The following PLPP1 variants were observed in gnomAD, a reference collection of about 807,000 sequenced individuals.
PLPP1 encodes the protein lipid phosphate phosphohydrolase 1a.
A neutral mutation model predicts 31.2 loss-of-function variants in PLPP1; 24 were observed. That is an observed-to-expected ratio of 0.77 (90% CI 0.56 to 1.08). The LOEUF is 1.08. PLPP1 is among the 50% of genes least tolerant of loss of function. PLPP1 has a pLI of 0.00. For missense variants in PLPP1, 319 were observed against 342.7 expected (o/e 0.93, Z 0.55); for synonymous variants, 146 against 126.3 (o/e 1.16, Z -1.05).
intron 1 of PLPP1, chr5:55,530,747 C>A: frequency 6.4e-7 from 1 of 1,570,922 alleles, no homozygotes; most frequent in South Asian, 1.1e-5. Context: ...GCTCCGCTTT[C>A]CCTCATTGCA....
intron 5 of PLPP1, chr5:55,425,555 A>G (rs538555303): frequency 2.3e-5 from 11 of 478,644 alleles, no homozygotes; most frequent in South Asian, 1.4e-4. Flanking sequence ...CATTTTGCCA[A>G]TACTGAATAA....
intron 3 of PLPP1, among the ~76,000 whole-genome samples, chr5:55,458,915 A>AAAAC (rs1561231077): frequency 3.4e-5 from 5 of 148,952 alleles, no homozygotes; most frequent in East Asian, 1.9e-4. Flanking sequence ...AAAAAAAAAA[A>AAAAC]ACACATAGCA....
At chr5:55,481,933 C>A (rs1022360102) in intron 1 of PLPP1, among the ~76,000 whole-genome samples, 7 of 151,192 alleles carry the variant, frequency 4.6e-5, no homozygotes, top group African/African-American at 1.7e-4. Context: ...TATATTTCTA[C>A]AATTCTAATA....
intron 1 of PLPP1, among the ~76,000 whole-genome samples, chr5:55,479,597 G>A (rs1752629819): frequency 6.6e-6 from 1 of 151,616 alleles, no homozygotes; most frequent in Non-Finnish European, 1.5e-5. Flanking sequence ...AACAAAGCAG[G>A]TCTACAGAGG....
chr5:55,521,347 G>T (rs1449660750), intron 1 of PLPP1, among the ~76,000 whole-genome samples: 1 of 43,692 alleles, frequency 2.3e-5, no homozygotes, highest in African/African-American at 8.2e-5. Context: ...GCAAGACTCT[G>T]TCTCAAAAAA....
intron 1 of PLPP1, among the ~76,000 whole-genome samples, chr5:55,505,471 GTTTA>G (rs1753254207): frequency 6.6e-6 from 1 of 151,312 alleles, no homozygotes; most frequent in African/African-American, 2.4e-5. Flanking sequence ...AATAGCAGAG[GTTTA>G]TTTCTTTAAG....
chr5:55,494,053 G>T (rs113857726), intron 1 of PLPP1, among the ~76,000 whole-genome samples: 1,524 of 151,816 alleles, frequency 0.01, 21 homozygotes, highest in African/African-American at 0.035. Context: ...TCCAAAGAAA[G>T]AAAAAGGATT....
At chr5:55,504,044 G>A (rs1283667099) in intron 1 of PLPP1, among the ~76,000 whole-genome samples, 1 of 151,934 alleles carries the variant, frequency 6.6e-6, no homozygotes, top group African/African-American at 2.4e-5. Context: ...AGAGGTGGGT[G>A]GATTGCCTGA....
intron 1 of PLPP1, among the ~76,000 whole-genome samples, chr5:55,510,739 T>C (rs1018184471): frequency 3.2e-5 from 3 of 93,974 alleles, no homozygotes; most frequent in African/African-American, 8.9e-5. Context: ...CAGAGTTGGG[T>C]AGTCAAGTAT....
intron 1 of PLPP1, among the ~76,000 whole-genome samples, chr5:55,512,479 A>AAAG: frequency 2.4e-5 from 1 of 42,260 alleles, no homozygotes; most frequent in African/African-American, 6.6e-5. Flanking sequence ...AAAAAAAAAA[A>AAAG]AAAAGAAAGA....
At chr5:55,524,571 G>C (rs892572791) in intron 1 of PLPP1, among the ~76,000 whole-genome samples, 1 of 152,172 alleles carries the variant, frequency 6.6e-6, no homozygotes, top group African/African-American at 2.4e-5. Flanking sequence ...AGCACTTTGG[G>C]AGCCAAGACG....
Position 55,452,522 on chromosome 5 carries a change from C to T in PLPP1, c.492-10614G>A, listed in dbSNP as rs368348879. ...CCCAGTCTCAGATATTCCTTTATAG[C>T]AATGCAAAACAGTGTAATACACTAC... On this transcript the variant is annotated intron_variant, in intron 3 of 5. Coordinates refer to ENST00000307259, the MANE Select transcript of PLPP1 (RefSeq NM_003711.4). Among the ~76,000 whole-genome samples the T allele has an allele frequency of 5.9e-5, 9 of 152,280 alleles. No individual in the cohort carries two copies. In the South Asian group the frequency reaches 1.9e-3, roughly 32 times the overall value.
intron 1 of PLPP1, 78 bp from the exon 2 acceptor site, chr5:55,475,528 A>G (rs947750268): frequency 1.5e-6 from 2 of 1,308,106 alleles, no homozygotes; most frequent in Non-Finnish European, 2.1e-6. Context: ...TATCCCACAG[A>G]CTCTGTCTAA....
intron 1 of PLPP1, among the ~76,000 whole-genome samples, chr5:55,480,905 C>T (rs1364441613): frequency 1.3e-5 from 2 of 152,202 alleles, no homozygotes; most frequent in Admixed American, 1.3e-4. Flanking sequence ...TTCCCACATT[C>T]CGCTTTTTGA....
At chr5:55,515,579 A>C (rs904095855) in intron 1 of PLPP1, among the ~76,000 whole-genome samples, 3 of 152,202 alleles carry the variant, frequency 2.0e-5, no homozygotes, top group African/African-American at 7.2e-5. Context: ...ATGGCTTTAC[A>C]TAAGGTTATA....
At chr5:55,439,983 T>G (rs185403601) in intron 4 of PLPP1, among the ~76,000 whole-genome samples, 13 of 152,242 alleles carry the variant, frequency 8.5e-5, no homozygotes, top group African/African-American at 2.6e-4. Context: ...GGATCCTGAT[T>G]ATCAAGAAAC....
chr5:55,472,879 G>A (rs951535826), intron 2 of PLPP1, among the ~76,000 whole-genome samples: 4 of 152,140 alleles, frequency 2.6e-5, no homozygotes, highest in African/African-American at 9.7e-5. Context: ...TGTGTAGGCC[G>A]TGCACATCAA....
chr5:55,441,818 T>C (rs1480906796), intron 4 of PLPP1, 33 bp downstream of exon 4: 1 of 1,596,552 alleles, frequency 6.3e-7, no homozygotes, highest in East Asian at 2.2e-5. Context: ...ATGCAGCACA[T>C]AACCTAACCG....
At chr5:55,495,740 C>T (rs998372097) in intron 1 of PLPP1, among the ~76,000 whole-genome samples, 3 of 152,106 alleles carry the variant, frequency 2.0e-5, no homozygotes, top group African/African-American at 7.2e-5. Context: ...ATGTATTACA[C>T]ACACACACAC....
Sources: allele counts gnomAD v4.1 joint callset (sites outside exome capture counted in the v4.1 genomes callset), GRCh38; gene constraint gnomAD v4.1.1; transcripts MANE v1.5; gene names NCBI Gene and HGNC (gene_info 2026-07-23, HGNC 2026-07-21).